Variants in MUC17 observed in about 807,000 individuals in gnomAD.
MUC17 encodes mucin 17, cell surface associated, also known as mucin-17.
A neutral mutation model predicts 170.3 loss-of-function variants in MUC17; 190 were observed. The ratio of observed to expected loss-of-function variants is 1.12; its 90% CI spans 0.99 to 1.26. The LOEUF (loss-of-function observed/expected upper bound fraction) is 1.26. MUC17 is among the 50% of genes most tolerant of loss of function. MUC17 has a pLI of 0.00. For missense variants in MUC17, 6,415 were observed against 5,530.0 expected (o/e 1.16, Z -5.08); for synonymous variants, 2,325 against 2,002.5 (o/e 1.16, Z -4.30).
At position 101,042,192 on chromosome 7, in the gene MUC17, G is replaced by A. The variant is rs942284177; in HGVS notation, c.10776G>A (p.Glu3592=). Residue 3592 remains glutamate, a synonymous_variant, in exon 3 of 13, where the codon GAG becomes GAA. Transcript: ENST00000306151. ...LLSSTYVTSS[E]ASTPSTPSVD... is the part of the protein sequence containing the mutation. ...GCAGCACATATGTGACCAGTTCTGAGGCTAGCACACCTTCCACTCCTTCTG... is the reference window on the plus strand; with the variant it reads ...GCAGCACATATGTGACCAGTTCTGAAGCTAGCACACCTTCCACTCCTTCTG... The A allele has an allele frequency of 1.9e-6, 3 of 1,614,164 alleles. No homozygotes were observed. The highest frequency in any genetic ancestry group is 2.5e-6 in the Non-Finnish European group (3 of 1,180,040).
At position 101,033,586 on chromosome 7, in the gene MUC17, G is replaced by T; in HGVS notation, c.2170G>T (p.Glu724Ter). The change falls in exon 3 of 13, where the codon GAA (glutamate) becomes TAA (stop). Residue 724 changes from glutamate (E) to a stop codon, truncating the protein, a stop_gained. Transcript: ENST00000306151. LOFTEE classifies it high-confidence loss of function. ...DTSTPVTTST[E>*]ASSSPTTADG... is the part of the protein sequence containing the mutation. ...CAGCACACCTGTGACCACTTCAACT[G>T]AAGCCAGTTCCTCTCCTACAACTGC... 1 of 1,613,718 alleles carries T rather than the reference G, an allele frequency of 6.2e-7. No individual in the cohort carries two copies. Among genetic ancestry groups the T allele is most frequent in the Non-Finnish European group, 8.5e-7 (1 of 1,179,902 alleles).
In MUC17 at chr7:101,042,230, C is replaced by G; in HGVS notation, c.10814C>G (p.Thr3605Arg). The G allele has an allele frequency of 6.2e-7, 1 of 1,614,234 alleles. No homozygotes were observed. The highest frequency in any genetic ancestry group is 8.5e-7 in the Non-Finnish European group (1 of 1,180,036). ...TPSTPSVDRS[T>R]PVTTSTQSNS... ...TCCACTCCTTCTGTTGACAGAAGCA[C>G]ACCTGTGACCACTTCTACTCAGAGC... is the stretch of plus-strand genomic sequence containing the variant. Residue 3605 changes from threonine (T) to arginine (R), a missense_variant, in exon 3 of 13, where the codon ACA becomes AGA. Coordinates refer to ENST00000306151, the MANE Select transcript of MUC17 (RefSeq NM_001040105.2).
In MUC17 at chr7:101,032,474, C is replaced by G; in HGVS notation, c.1058C>G (p.Thr353Arg). The change falls in exon 3 of 13, where the codon ACA becomes AGA. Residue 353 changes from threonine (T) to arginine (R), a missense_variant. Thr to Arg is a moderately conservative substitution (Grantham distance 71, BLOSUM62 -1). Coordinates refer to ENST00000306151, the MANE Select transcript of MUC17 (RefSeq NM_001040105.2). ...CCGGTTGCCACTTCTGAAATGAGCA[C>G]ACTTTCAATAACTCCTGTTGACACC... ...TMPVATSEMS[T>R]LSITPVDTST... 2 of 1,614,002 alleles carry G rather than the reference C, an allele frequency of 1.2e-6. No individual in the cohort carries two copies. Among genetic ancestry groups the G allele is most frequent in the Non-Finnish European group, 1.7e-6 (2 of 1,179,938 alleles).
Position 101,034,067 on chromosome 7 carries a change from C to T in MUC17, c.2651C>T (p.Thr884Ile), listed in dbSNP as rs752582863. 2.5e-6 allele frequency: 4 copies of T among 1,607,772 alleles called. No homozygotes were observed. Among genetic ancestry groups the T allele is most frequent in the African/African-American group, 1.3e-5 (1 of 74,330 alleles). Residue 884 changes from threonine to isoleucine, a missense_variant, in exon 3 of 13, where the codon ACC becomes ATC. Transcript: ENST00000306151. ...TTLVATSAIS[T>I]LSTTPVDTST... ...CTGGTGGCCACTTCTGCAATCAGCA[C>T]CCTTTCAACAACTCCTGTTGACACC...
Position 101,042,862 on chromosome 7 carries a change from T to C in MUC17, c.11446T>C (p.Leu3816=). ...AACTACGAGTGAAAGAAGCACTTTA[T>C]TGACAACTGTCCTCATCAGCCCTAT... ...MSTTSERSTL[L]TTVLISPISV... The change falls in exon 3 of 13, where the codon TTG becomes CTG. Residue 3816 remains leucine (L), a synonymous_variant. Transcript: ENST00000306151. 6.2e-7 allele frequency: 1 copy of C among 1,614,136 alleles called. No individual in the cohort carries two copies. The highest frequency in any genetic ancestry group is 8.5e-7 in the Non-Finnish European group (1 of 1,180,012).
chr7:101,049,409 G>A (rs777124298), intron 6 of MUC17, 27 bp downstream of exon 6: 3 of 1,600,924 alleles, frequency 1.9e-6, no homozygotes, highest in Admixed American at 1.7e-5. Context: ...TTGGGAAGAG[G>A]GTCTGTGGCG....
At position 101,051,876 on chromosome 7, in the gene MUC17, C is replaced by T. The variant is rs1357238925; in HGVS notation, c.13017C>T (p.Cys4339=). 6.2e-7 allele frequency: 1 copy of T among 1,614,232 alleles called. No homozygotes were observed. Among genetic ancestry groups the T allele is most frequent in the Admixed American group, 1.7e-5 (1 of 60,028 alleles). The change falls in exon 9 of 13, where the codon TGC becomes TGT. Residue 4339 remains cysteine (C), a synonymous_variant. Transcript: ENST00000306151. The part of the protein sequence containing the change: ...VVEYRDQKPY[C]ISPCEPGFSV... Reference sequence around the variant, plus strand: ...AGTACCGGGACCAGAAGCCATACTGCATCAGCCCCTGTGAGCCTGGCTTCA... The same window carrying T: ...AGTACCGGGACCAGAAGCCATACTGTATCAGCCCCTGTGAGCCTGGCTTCA...
intron 12 of MUC17, among the ~76,000 whole-genome samples, chr7:101,057,153 G>A (rs747324543): frequency 3.9e-5 from 6 of 152,058 alleles, no homozygotes; most frequent in Non-Finnish European, 8.8e-5. Flanking sequence ...TAATGCTATC[G>A]CCTCACTTCA....
chr7:101,034,062 C>T lies in MUC17; in HGVS notation c.2646C>T (p.Ile882=), dbSNP rs1794378441. The part of the protein sequence containing the change: ...VSTTLVATSA[I]STLSTTPVDT... ...CCACACTGGTGGCCACTTCTGCAAT[C>T]AGCACCCTTTCAACAACTCCTGTTG... Residue 882 remains isoleucine (I), a synonymous_variant, in exon 3 of 13, where the codon ATC becomes ATT. Coordinates refer to ENST00000306151, the MANE Select transcript of MUC17 (RefSeq NM_001040105.2). 6.4e-7 allele frequency: 1 copy of T among 1,574,012 alleles called. No homozygotes were observed. Among genetic ancestry groups the T allele is most frequent in the African/African-American group, 1.5e-5 (1 of 66,672 alleles).
At position 101,047,993 on chromosome 7, in the gene MUC17, A is replaced by G. The variant is rs1387126030; in HGVS notation, c.12413A>G (p.Asp4138Gly). The stretch of plus-strand genomic sequence containing the variant: ...TGTGATTGTTCCACAGGCTTTGGAG[A>G]TGGGTGCCAGAATACGGCCTCTCGC... ...TVPRTTTCFG[D>G]GCQNTASRCK... The change falls in exon 4 of 13, where the codon GAT becomes GGT. Residue 4138 changes from aspartate (D) to glycine (G), a missense_variant. Physicochemically the swap from Asp to Gly is moderately conservative, Grantham distance 94. Coordinates refer to ENST00000306151, the MANE Select transcript of MUC17 (RefSeq NM_001040105.2). 6.9e-6 allele frequency: 11 copies of G among 1,594,234 alleles called. No individual in the cohort carries two copies. The highest frequency in any genetic ancestry group is 8.5e-6 in the Non-Finnish European group (10 of 1,172,568).
chr7:101,056,867 A>C (rs1010952673), intron 12 of MUC17, among the ~76,000 whole-genome samples: 4 of 152,110 alleles, frequency 2.6e-5, no homozygotes, highest in African/African-American at 9.7e-5. Context: ...TCAGATGTAG[A>C]TATAACAGAT....
At chr7:101,057,033 A>C (rs4268055) in intron 12 of MUC17, among the ~76,000 whole-genome samples, 94,259 of 151,846 alleles carry the variant, frequency 0.62, 29,637 homozygotes, top group East Asian at 0.7. Flanking sequence ...TAACTTGCCC[A>C]CCCATCCTTA....
chr7:101,031,247 T>C, intron 2 of MUC17, 26 bp downstream of exon 2: 17 of 1,599,144 alleles, frequency 1.1e-5, no homozygotes, highest in Non-Finnish European at 1.5e-5. Flanking sequence ...CCAAGATCTA[T>C]CTGGGAAGGT....
At position 101,041,935 on chromosome 7, in the gene MUC17, A is replaced by C; in HGVS notation, c.10519A>C (p.Met3507Leu). 1 of 1,612,288 alleles carries C rather than the reference A, an allele frequency of 6.2e-7. No individual in the cohort carries two copies. The highest frequency in any genetic ancestry group is 1.3e-5 in the African/African-American group (1 of 74,200). The part of the protein sequence containing the change: ...SSPTTAEVTS[M>L]PTSTAGEGST... ...TCCTACAACTGCTGAAGTTACCAGC[A>C]TGCCAACATCAACTGCTGGTGAAGG... The change falls in exon 3 of 13, where the codon ATG becomes CTG. Residue 3507 changes from methionine to leucine, a missense_variant. Transcript: ENST00000306151.
At chr7:101,053,602 C>G (rs1166541802) in intron 11 of MUC17, 166 bp downstream of exon 11, 1 of 523,258 alleles carries the variant, frequency 1.9e-6, no homozygotes, top group African/African-American at 1.9e-5. Context: ...AAAACTCTAT[C>G]TCTTAAAAAA....
Position 101,051,657 on chromosome 7 carries a change from A to G in MUC17, c.12919A>G (p.Thr4307Ala), listed in dbSNP as rs1794946186. Reference sequence around the variant, plus strand: ...CACTGGCACCCAAGTGCAAAACATTACGGTGACCCAGTACGACCCTGAAGG... The same window carrying G: ...CACTGGCACCCAAGTGCAAAACATTGCGGTGACCCAGTACGACCCTGAAGG... ...NTTGTQVQNI[T>A]VTQYDPEEDC... The change falls in exon 8 of 13, where the codon ACG (threonine) becomes GCG (alanine). Residue 4307 changes from threonine (T) to alanine (A), a missense_variant. By Grantham distance (58) the Thr-to-Ala change is moderately conservative. Coordinates refer to ENST00000306151, the MANE Select transcript of MUC17 (RefSeq NM_001040105.2). 1 of 1,611,496 alleles carries G rather than the reference A, an allele frequency of 6.2e-7. No homozygotes were observed. Among genetic ancestry groups the G allele is most frequent in the Admixed American group, 1.7e-5 (1 of 58,908 alleles).
chr7:101,021,476 C>T (rs1319302529), intron 1 of MUC17, among the ~76,000 whole-genome samples: 2 of 152,110 alleles, frequency 1.3e-5, no homozygotes, highest in Non-Finnish European at 2.9e-5. Context: ...GGGTGAGCCA[C>T]CGCTCCTGGC....
rs768713870 is a variant in MUC17, at chr7:101,037,412, G to C, written c.5996G>C (p.Ser1999Thr). Reference sequence around the variant, plus strand: ...CCTCTCAGCACCACGCTGGTGGTCAGTTCTGAGGCTAGCACTCTTTCCACA... The same window carrying C: ...CCTCTCAGCACCACGCTGGTGGTCACTTCTGAGGCTAGCACTCTTTCCACA... ...SMPLSTTLVV[S>T]SEASTLSTTP... The change falls in exon 3 of 13, where the codon AGT (serine) becomes ACT (threonine). Residue 1999 changes from serine (S) to threonine (T), a missense_variant. Coordinates refer to ENST00000306151, the MANE Select transcript of MUC17 (RefSeq NM_001040105.2). 1.9e-6 allele frequency: 3 copies of C among 1,612,536 alleles called. No homozygotes were observed. Among genetic ancestry groups the C allele is most frequent in the Non-Finnish European group, 2.5e-6 (3 of 1,179,118 alleles).
Position 101,035,893 on chromosome 7 carries a change from A to G in MUC17, c.4477A>G (p.Ser1493Gly), listed in dbSNP as rs1203434671. 2 of 1,610,736 alleles carry G rather than the reference A, an allele frequency of 1.2e-6. No homozygotes were observed. Among genetic ancestry groups the G allele is most frequent in the African/African-American group, 2.7e-5 (2 of 74,668 alleles). The change falls in exon 3 of 13, where the codon AGT becomes GGT. Residue 1493 changes from serine (S) to glycine (G), a missense_variant. Ser to Gly is a moderately conservative substitution (Grantham distance 56). Coordinates refer to ENST00000306151, the MANE Select transcript of MUC17 (RefSeq NM_001040105.2). ...NSPVVTSTAVSSSPTPAEGTS... is the reference protein window; with the variant it reads ...NSPVVTSTAVGSSPTPAEGTS... ...TCCTGTGGTCACTTCTACAGCAGTCAGTTCATCTCCTACACCTGCTGAAGG... is the reference window on the plus strand; with the variant it reads ...TCCTGTGGTCACTTCTACAGCAGTCGGTTCATCTCCTACACCTGCTGAAGG...
Sources: allele counts gnomAD v4.1 joint callset (sites outside exome capture counted in the v4.1 genomes callset), GRCh38; gene constraint gnomAD v4.1.1; transcripts MANE v1.5; gene names NCBI Gene and HGNC (gene_info 2026-07-23, HGNC 2026-07-21).